Variants in SGIP1 observed in about 807,000 individuals in gnomAD.
SGIP1 encodes the protein SH3GL interacting endocytic adaptor 1.
SGIP1 carries 38 observed loss-of-function variants against 107.5 expected under a neutral mutation model. That is an observed-to-expected ratio of 0.35 (90% CI 0.27 to 0.46). The LOEUF is 0.46. Ranked by LOEUF, SGIP1 falls within the 20% of genes least tolerant of loss-of-function variation. The probability of loss-of-function intolerance (pLI) is 1.00; values close to 1 mark genes in which losing one functional copy is unlikely to be tolerated. For synonymous variants in SGIP1, 365 were observed against 366.1 expected (o/e 1.00, Z 0.03); for missense variants, 929 against 1,019.5 (o/e 0.91, Z 1.21).
At chr1:66,579,978 A>G (rs991105056) in intron 1 of SGIP1, among the ~76,000 whole-genome samples, 2 of 152,112 alleles carry the variant, frequency 1.3e-5, no homozygotes, top group African/African-American at 4.8e-5. Flanking sequence ...CTCAGATATA[A>G]TCACTCCTCA....
intron 12 of SGIP1, among the ~76,000 whole-genome samples, chr1:66,675,259 C>T (rs1268803371): frequency 6.6e-6 from 1 of 152,128 alleles, no homozygotes; most frequent in Non-Finnish European, 1.5e-5. Context: ...TGCTTCGTAT[C>T]TTTGGAGAAT....
At chr1:66,740,983 G>A (rs890333554) in intron 23 of SGIP1, among the ~76,000 whole-genome samples, 3 of 151,968 alleles carry the variant, frequency 2.0e-5, no homozygotes, top group Admixed American at 6.6e-5. Context: ...CAGATTCCAC[G>A]CTCCCTGATT....
intron 7 of SGIP1, 116 bp from the exon 8 acceptor site, chr1:66,660,397 C>A: frequency 2.2e-6 from 2 of 922,382 alleles, no homozygotes; most frequent in South Asian, 1.4e-5. Context: ...AAAAGCAGTG[C>A]CTTCGAGAGC....
intron 1 of SGIP1, among the ~76,000 whole-genome samples, chr1:66,537,684 AG>A (rs2147982567): frequency 6.6e-6 from 1 of 152,218 alleles, no homozygotes; most frequent in East Asian, 1.9e-4. Context: ...AATATTTTTA[AG>A]GGCTTACTGG....
intron 7 of SGIP1, among the ~76,000 whole-genome samples, chr1:66,650,541 T>A (rs1048893519): frequency 3.9e-5 from 6 of 152,152 alleles, no homozygotes; most frequent in Non-Finnish European, 7.3e-5. Context: ...TGATTGGTTT[T>A]CTGCAGCCCA....
rs753913870 is a variant in SGIP1 at position 66,660,505 on chromosome 1, G to A, written c.460-8G>A. Reference sequence around the variant, plus strand: ...CTTTATTCTTCCTCCCCATGCCTACGCTTTTAGAGGAAAAGTCCGGTAAGA... The same window carrying A: ...CTTTATTCTTCCTCCCCATGCCTACACTTTTAGAGGAAAAGTCCGGTAAGA... On this transcript the variant is annotated splice_region_variant and splice_polypyrimidine_tract_variant and intron_variant, in intron 7 of 24. Coordinates refer to ENST00000371037, the MANE Select transcript of SGIP1 (RefSeq NM_032291.4). 1.6e-5 allele frequency: 25 copies of A among 1,609,798 alleles called. No homozygotes were observed. The South Asian group carries it at 2.5e-4, about 16-fold the overall frequency.
In SGIP1 at chr1:66,681,878, A is replaced by C. The variant is rs200448352; in HGVS notation, c.824A>C (p.Gln275Pro). 8 of 1,610,694 alleles carry C rather than the reference A, an allele frequency of 5.0e-6. No homozygotes were observed. The Admixed American group carries it at 1.0e-4, about 20-fold the overall frequency. The change falls in exon 15 of 25, where the codon CAG (glutamine) becomes CCG (proline). Residue 275 changes from glutamine to proline, a missense_variant. By Grantham distance (76) the Gln-to-Pro change is moderately conservative. This residue lies in a region of SGIP1 where 588 missense variants were observed against 588.6 expected (regional missense o/e 1.00). Transcript: ENST00000371037. ...ACTACTTTAACCACAGGAAATGACC[A>C]GTCAGCCACAGAGGTCAAAATTGAA... ...SPLTIGPGND[Q>P]SATEVKIEKL...
chr1:66,639,396 G>A (rs889823405), intron 4 of SGIP1, among the ~76,000 whole-genome samples: 1 of 152,150 alleles, frequency 6.6e-6, no homozygotes, highest in Non-Finnish European at 1.5e-5. Context: ...TAGCAGCATG[G>A]AGGTAAAAGT....
rs934641592 is a variant in SGIP1 at position 66,698,897 on chromosome 1, G to A, written c.1630+3404G>A. 4.6e-5 allele frequency among the ~76,000 whole-genome samples: 7 copies of A among 151,182 alleles called. 1 individual carries two copies. The highest frequency in any genetic ancestry group is 9.7e-5 in the African/African-American group (4 of 41,038). ...GCTTTTTTAACTACAAAATCATCTC[G>A]TATGTGGTGGTGAAAAACAAACAAA... On this transcript the variant is annotated intron_variant, in intron 18 of 24. Transcript: ENST00000371037.
intron 20 of SGIP1, among the ~76,000 whole-genome samples, chr1:66,732,175 A>T (rs989227535): frequency 1.3e-5 from 2 of 152,212 alleles, no homozygotes. Context: ...AATTAATGAC[A>T]TGTTGCTAGA....
chr1:66,608,366 A>T (rs976051017), intron 1 of SGIP1, among the ~76,000 whole-genome samples: 1 of 152,220 alleles, frequency 6.6e-6, no homozygotes, highest in Non-Finnish European at 1.5e-5. Context: ...TAATATTTCT[A>T]ATCTGTAATA....
At chr1:66,614,315 A>T (rs1218554492) in intron 1 of SGIP1, among the ~76,000 whole-genome samples, 1 of 152,194 alleles carries the variant, frequency 6.6e-6, no homozygotes. Flanking sequence ...CTGTAACTTG[A>T]TGGATTTAAG....
chr1:66,642,145 C>T (rs2076907911), intron 5 of SGIP1, among the ~76,000 whole-genome samples: 3 of 152,200 alleles, frequency 2.0e-5, no homozygotes, highest in Admixed American at 2.0e-4. Flanking sequence ...CAAGTCCAAA[C>T]TCTTCCCCTG....
chr1:66,667,455 G>T, intron 8 of SGIP1, 75 bp from the exon 9 acceptor site: 1 of 1,401,792 alleles, frequency 7.1e-7, no homozygotes, highest in Non-Finnish European at 1.0e-6. Flanking sequence ...AAAGTCTTCT[G>T]TTACCCAAGA....
At chr1:66,614,243 G>T (rs1436437254) in intron 1 of SGIP1, among the ~76,000 whole-genome samples, 2 of 152,198 alleles carry the variant, frequency 1.3e-5, no homozygotes, top group East Asian at 1.9e-4. Context: ...CTGCAAGCCT[G>T]CCAAGGGTTA....
At chr1:66,735,520 A>G (rs1204814146) in intron 21 of SGIP1, among the ~76,000 whole-genome samples, 1 of 151,870 alleles carries the variant, frequency 6.6e-6, no homozygotes, top group African/African-American at 2.4e-5. Flanking sequence ...AATATTCCAC[A>G]TAAGAGTGAG....
intron 19 of SGIP1, among the ~76,000 whole-genome samples, chr1:66,727,856 A>T (rs937428963): frequency 4.6e-5 from 7 of 152,068 alleles, no homozygotes; most frequent in Non-Finnish European, 8.8e-5. Flanking sequence ...TTGCCTAGGG[A>T]CAGGGAAAGG....
chr1:66,540,960 A>T (rs2054792756), intron 1 of SGIP1, among the ~76,000 whole-genome samples: 1 of 152,170 alleles, frequency 6.6e-6, no homozygotes. Flanking sequence ...ACTCCCTCCA[A>T]GGTTTGAATT....
At chr1:66,691,509 A>T (rs1338288024) in intron 17 of SGIP1, among the ~76,000 whole-genome samples, 2 of 152,200 alleles carry the variant, frequency 1.3e-5, no homozygotes, top group African/African-American at 4.8e-5. Context: ...CAACAGACAG[A>T]TATTTAACAT....
Sources: allele counts gnomAD v4.1 joint callset (sites outside exome capture counted in the v4.1 genomes callset), GRCh38; gene constraint gnomAD v4.1.1; regional missense constraint gnomAD v4.1.1; transcripts MANE v1.5; gene names NCBI Gene and HGNC (gene_info 2026-07-23, HGNC 2026-07-21).